Variants in RBSN observed in about 807,000 individuals in gnomAD.
The protein encoded by RBSN is rabenosyn-5.
Under a neutral mutation model 60.5 loss-of-function variants are expected in RBSN, and 34 were observed. The observed-to-expected ratio is 0.56, with a 90% CI of 0.43 to 0.75. RBSN has a LOEUF of 0.75. Among genes scored for constraint, RBSN ranks in the 30% least tolerant of loss-of-function variants. The pLI, the probability that RBSN is intolerant of heterozygous loss-of-function variation, is 0.00. For missense variants in RBSN, 845 were observed against 986.8 expected (o/e 0.86, Z 1.92); for synonymous variants, 322 against 366.9 (o/e 0.88, Z 1.40).
At position 15,082,730 on chromosome 3, in the gene RBSN, G is replaced by C; in HGVS notation, c.599-122C>G. ...AGAGTAATAAGATCAGGCTCCAGCT[G>C]TGGGCACGTACTGCCCCTCTGCCTT... On this transcript the variant is annotated intron_variant, in intron 8 of 13. Transcript: ENST00000253699. This position sits in a 1 kb window ranked among gnomAD's most constrained non-coding sequence, Gnocchi z 4.2. The C allele has an allele frequency of 7.1e-7, 1 of 1,400,162 alleles. No homozygotes were observed. The highest frequency in any genetic ancestry group is 9.6e-7 in the Non-Finnish European group (1 of 1,036,524). The allele number at this position is 1,400,162 out of a possible 1,614,324, so 86.7% of individuals were successfully genotyped here.
chr3:15,075,577 G>C, intron 13 of RBSN, 29 bp downstream of exon 13: 1 of 1,592,264 alleles, frequency 6.3e-7, no homozygotes, highest in Non-Finnish European at 8.6e-7. Flanking sequence ...ACAGGAGGAA[G>C]CAGGCCCCAT....
At chr3:15,081,176 G>A (rs201843073) in intron 9 of RBSN, 142 of 171,790 alleles carry the variant, frequency 8.3e-4, no homozygotes, top group African/African-American at 2.0e-3. Context: ...CACCACGCCC[G>A]GCTAATTTTT....
At chr3:15,087,913 C>T (rs1429637346) in intron 5 of RBSN, among the ~76,000 whole-genome samples, 1 of 152,172 alleles carries the variant, frequency 6.6e-6, no homozygotes, top group African/African-American at 2.4e-5. Flanking sequence ...GCCACCGCAC[C>T]TGGCCACACA....
intron 5 of RBSN, among the ~76,000 whole-genome samples, chr3:15,088,981 A>T (rs2043420338): frequency 6.6e-6 from 1 of 152,156 alleles, no homozygotes; most frequent in Non-Finnish European, 1.5e-5. Flanking sequence ...TCCTTCTTGG[A>T]GCTCCAGTTT....
At position 15,073,980 on chromosome 3, in the gene RBSN, G is replaced by C. The variant is rs200401444; in HGVS notation, c.2157C>G (p.Pro719=). The C allele has an allele frequency of 4.8e-5, 77 of 1,614,052 alleles. No homozygotes were observed. The East Asian group carries it at 1.7e-3, about 35-fold the overall frequency. ...GCCCACTGTCACTGTCCATCTCAAA[G>C]GGGTTGATACAGGTGGGTTCCTCAA... ...NPFEEPTCIN[P]FEMDSDSGPE... The change falls in exon 14 of 14, where the codon CCC becomes CCG. Residue 719 remains proline, a synonymous_variant. Coordinates refer to ENST00000253699, the MANE Select transcript of RBSN (RefSeq NM_022340.4).
At chr3:15,086,074 G>C in intron 5 of RBSN, 113 bp from the exon 6 acceptor site, 1 of 393,724 alleles carries the variant, frequency 2.5e-6, no homozygotes. Flanking sequence ...TCAACATAGC[G>C]AGACCCCGTC....
In RBSN at chr3:15,075,564, G is replaced by A. The variant is rs377238559; in HGVS notation, c.1206+42C>T. 5.2e-6 allele frequency: 8 copies of A among 1,551,890 alleles called. No homozygotes were observed. The East Asian group carries it at 9.0e-5, about 17-fold the overall frequency. ...CCCATGGCAGCCTCTGTGCTTGAGA[G>A]CCACAGGAGGAAGCAGGCCCCATAT... is the stretch of plus-strand genomic sequence containing the variant. On this transcript the variant is annotated intron_variant, in intron 13 of 13. Transcript: ENST00000253699.
chr3:15,078,379 G>A (rs1427709558), intron 10 of RBSN, among the ~76,000 whole-genome samples: 1 of 152,150 alleles, frequency 6.6e-6, no homozygotes, highest in Non-Finnish European at 1.5e-5. Context: ...ACAGATTCAT[G>A]CCAAGGCCTC....
At chr3:15,079,716 T>C (rs996955171) in intron 10 of RBSN, among the ~76,000 whole-genome samples, 1 of 152,198 alleles carries the variant, frequency 6.6e-6, no homozygotes, top group Admixed American at 6.5e-5. Flanking sequence ...TTATATGACA[T>C]GTCAAAAGCA....
At position 15,096,054 on chromosome 3, in the gene RBSN, G is replaced by T; in HGVS notation, c.67C>A (p.Leu23Met). ...GFLCPLCLKD[L>M]QSFYQLHSHY... ...GAGTGAAGCTGATAGAAAGACTGCA[G>T]ATCCTTCAGGCACAGAGGGCAGAGG... The change falls in exon 4 of 14, where the codon CTG (leucine) becomes ATG (methionine). Residue 23 changes from leucine to methionine, a missense_variant. Leu to Met is a conservative substitution (Grantham distance 15). Transcript: ENST00000253699. The T allele has an allele frequency of 6.2e-7, 1 of 1,613,946 alleles. No homozygotes were observed. Among genetic ancestry groups the T allele is most frequent in the South Asian group, 1.1e-5 (1 of 91,070 alleles).
At chr3:15,085,804 T>A in intron 6 of RBSN, 57 bp downstream of exon 6, 1 of 1,398,032 alleles carries the variant, frequency 7.2e-7, no homozygotes. Flanking sequence ...ATGTGATTAT[T>A]TTTCCCCAGA....
At position 15,084,862 on chromosome 3, in the gene RBSN, G is replaced by A. The variant is rs1360645455; in HGVS notation, c.471C>T (p.Asp157=). 1.9e-6 allele frequency: 3 copies of A among 1,613,918 alleles called. No individual in the cohort carries two copies. The highest frequency in any genetic ancestry group is 1.1e-5 in the South Asian group (1 of 91,056). ...AGTCTGGACAGAAAGGGACATCCTG[G>A]TCGTTGACCCAAGGCACCACAGACT... The part of the protein sequence containing the change: ...IEKSVVPWVN[D]QDVPFCPDCG... Residue 157 remains aspartate (D), a synonymous_variant, in exon 8 of 14, where the codon GAC becomes GAT. Transcript: ENST00000253699. This position sits in a 1 kb window ranked among gnomAD's most constrained non-coding sequence, Gnocchi z 4.2.
rs1162404149 is a variant in RBSN at position 15,077,235 on chromosome 3, T to A, written c.999-71A>T. ...AGAAACAAGGGTGAAAAGTATAACA[T>A]CTGGAGTTGCCAGGCTTTCATGCCA... On this transcript the variant is annotated intron_variant, in intron 11 of 13. Transcript: ENST00000253699. The surrounding 1 kb of genome is among the most constrained non-coding windows in gnomAD (Gnocchi z 4.4). 3.8e-6 allele frequency: 5 copies of A among 1,328,610 alleles called. No individual in the cohort carries two copies. In the East Asian group the frequency reaches 9.3e-5, roughly 25 times the overall value. 82.3% of individuals were successfully genotyped at this position (1,328,610 alleles called of 1,614,324 possible).
chr3:15,090,575 G>A (rs1363109872), intron 4 of RBSN, 36 bp from the exon 5 acceptor site: 3 of 1,606,664 alleles, frequency 1.9e-6, no homozygotes, highest in Non-Finnish European at 2.5e-6. Flanking sequence ...AATGAGCCAT[G>A]AAGAACACCC....
rs2043233703 is a variant in RBSN, at chr3:15,082,598, G to A, written c.609C>T (p.Thr203=). 2 of 1,613,878 alleles carry A rather than the reference G, an allele frequency of 1.2e-6. No homozygotes were observed. Among genetic ancestry groups the A allele is most frequent in the South Asian group, 2.2e-5 (2 of 91,070 alleles). The change falls in exon 9 of 14, where the codon ACC becomes ACT. Residue 203 remains threonine, a synonymous_variant. Transcript: ENST00000253699. The surrounding 1 kb of genome is among the most constrained non-coding windows in gnomAD (Gnocchi z 4.2). ...LISLPLANKL[T]SASKESLSTH... Reference sequence around the variant, plus strand: ...TGCTCAGGGACTCCTTGCTGGCACTGGTGAGCTTGTCTGTAACCACAACAC... The same window carrying A: ...TGCTCAGGGACTCCTTGCTGGCACTAGTGAGCTTGTCTGTAACCACAACAC...
At chr3:15,095,122 C>T (rs1442367942) in intron 4 of RBSN, among the ~76,000 whole-genome samples, 1 of 152,096 alleles carries the variant, frequency 6.6e-6, no homozygotes, top group Non-Finnish European at 1.5e-5. Context: ...TCAAGTGATC[C>T]TCCTACCTCA....
intron 2 of RBSN, among the ~76,000 whole-genome samples, chr3:15,097,691 A>G (rs542491242): frequency 6.6e-6 from 1 of 152,266 alleles, no homozygotes; most frequent in African/African-American, 2.4e-5. Context: ...CCACAAAAGC[A>G]GAGAAATTTC....
chr3:15,075,331 G>T, intron 13 of RBSN: 1 of 636,758 alleles, frequency 1.6e-6, no homozygotes, highest in Non-Finnish European at 2.9e-6. Flanking sequence ...TTGGTCCTCT[G>T]CAACTCCTGC....
At chr3:15,093,112 C>T (rs913200974) in intron 4 of RBSN, among the ~76,000 whole-genome samples, 2 of 152,088 alleles carry the variant, frequency 1.3e-5, no homozygotes, top group African/African-American at 4.8e-5. Flanking sequence ...TTGAACTGCC[C>T]CCAAAACCTA....
Sources: allele counts gnomAD v4.1 joint callset (sites outside exome capture counted in the v4.1 genomes callset), GRCh38; gene constraint gnomAD v4.1.1; non-coding constraint Gnocchi (gnomAD v3.1); transcripts MANE v1.5; gene names NCBI Gene and HGNC (gene_info 2026-07-23, HGNC 2026-07-21).